ST8SIA5: variants seen among roughly 807,000 people sequenced by gnomAD.
The protein encoded by ST8SIA5 is ST8 alpha-N-acetyl-neuraminide alpha-2,8-sialyltransferase 5.
A neutral mutation model predicts 40.2 loss-of-function variants in ST8SIA5; 24 were observed. The ratio of observed to expected loss-of-function variants is 0.60; its 90% confidence interval spans 0.43 to 0.84. ST8SIA5 has a LOEUF of 0.84. ST8SIA5 is among the 40% of genes least tolerant of loss of function. ST8SIA5 has a pLI of 0.00. For synonymous variants in ST8SIA5, 198 were observed against 201.8 expected (o/e 0.98, Z 0.16); for missense variants, 465 against 498.5 (o/e 0.93, Z 0.64).
At chr18:46,699,717 C>T (rs539032616) in intron 2 of ST8SIA5, among the ~76,000 whole-genome samples, 4 of 152,282 alleles carry the variant, frequency 2.6e-5, no homozygotes, top group East Asian at 1.9e-4. Context: ...TGTTTGCACC[C>T]GGGTCTCACC....
chr18:46,692,381 G>T, intron 2 of ST8SIA5, 126 bp from the exon 3 acceptor site: 1 of 748,256 alleles, frequency 1.3e-6, no homozygotes, highest in South Asian at 1.6e-5. Context: ...CCTTGGCATT[G>T]ACCATGTTTT....
chr18:46,721,686 T>A (rs2039865152), intron 1 of ST8SIA5, among the ~76,000 whole-genome samples: 1 of 152,142 alleles, frequency 6.6e-6, no homozygotes, highest in South Asian at 2.1e-4. Flanking sequence ...CCTCATTCCA[T>A]CTGTACCAGC....
intron 1 of ST8SIA5, chr18:46,730,162 C>A: frequency 1.0e-6 from 1 of 985,230 alleles, no homozygotes; most frequent in Non-Finnish European, 1.2e-6. Context: ...CAGAAGTGGC[C>A]ACTTTCTTCA....
chr18:46,718,335 A>AG (rs1362124558), intron 1 of ST8SIA5, among the ~76,000 whole-genome samples: 2 of 151,650 alleles, frequency 1.3e-5, no homozygotes, highest in East Asian at 3.8e-4. Flanking sequence ...GTCTCAAAAA[A>AG]AAAAAAAAAA....
intron 2 of ST8SIA5, among the ~76,000 whole-genome samples, chr18:46,693,278 C>T (rs1175919791): frequency 1.8e-4 from 28 of 152,168 alleles, no homozygotes; most frequent in Non-Finnish European, 7.3e-5. Flanking sequence ...AGTCAGACCC[C>T]AGTGGAACAC....
At chr18:46,747,016 T>C (rs1448114963) in intron 1 of ST8SIA5, among the ~76,000 whole-genome samples, 3 of 152,210 alleles carry the variant, frequency 2.0e-5, no homozygotes, top group South Asian at 4.1e-4. Flanking sequence ...TGGCTAGCCA[T>C]ATGTAGAAAA....
rs140313283 is a variant in ST8SIA5, at chr18:46,736,893, A to G, written c.131+19485T>C. Among the ~76,000 whole-genome samples the G allele has an allele frequency of 2.3e-3, 348 of 151,586 alleles. 2 individuals carry two copies. The highest frequency in any genetic ancestry group is 7.8e-3 in the African/African-American group (323 of 41,252). ...ATCCTGGCTTACCTGCCTTATTTCC[A>G]TTCCCTCCACCCACACAGTCCAGGG... On this transcript the variant is annotated intron_variant, in intron 1 of 6. Transcript: ENST00000315087.
chr18:46,673,516 C>T lies in ST8SIA5; in HGVS notation c.*6526G>A, dbSNP rs778020507. ...TTGTATGCTCAGGGAACAGATAGGG[C>T]CTCACACATGCTGATTCCCAGGCGC... On this transcript the variant is annotated 3_prime_UTR_variant, in exon 7 of 7. Coordinates refer to ENST00000315087, the MANE Select transcript of ST8SIA5 (RefSeq NM_013305.6). The T allele has an allele frequency of 2.0e-5, 3 of 152,180 alleles. No homozygotes were observed. Among genetic ancestry groups the T allele is most frequent in the Middle Eastern group, 3.4e-3 (1 of 294 alleles). The allele number at this position is 152,180 out of a possible 1,614,324, so 9.4% of individuals were successfully genotyped here.
chr18:46,723,500 C>G (rs540591218), intron 1 of ST8SIA5, among the ~76,000 whole-genome samples: 35 of 148,938 alleles, frequency 2.3e-4, no homozygotes, highest in Non-Finnish European at 5.1e-4. Context: ...TGAAGTAAGC[C>G]GAGATCACAC....
At chr18:46,697,838 A>T (rs2039571563) in intron 2 of ST8SIA5, among the ~76,000 whole-genome samples, 1 of 152,216 alleles carries the variant, frequency 6.6e-6, no homozygotes, top group Non-Finnish European at 1.5e-5. Context: ...AAGAGTCTGG[A>T]CACAAACTCC....
chr18:46,745,846 C>T (rs1286739510), intron 1 of ST8SIA5, among the ~76,000 whole-genome samples: 4 of 152,202 alleles, frequency 2.6e-5, no homozygotes, highest in Admixed American at 6.5e-5. Context: ...AATCCAGCAG[C>T]ACATCAAAAA....
intron 5 of ST8SIA5, among the ~76,000 whole-genome samples, chr18:46,684,467 AC>A (rs1289330364): frequency 6.6e-6 from 1 of 152,106 alleles, no homozygotes; most frequent in Non-Finnish European, 1.5e-5. Context: ...CCTCATACTG[AC>A]CCCAAGGGGT....
chr18:46,713,074 C>A (rs1304183474), intron 1 of ST8SIA5, among the ~76,000 whole-genome samples: 2 of 152,250 alleles, frequency 1.3e-5, no homozygotes, highest in South Asian at 4.2e-4. Context: ...GGCCTGTGGG[C>A]CACCCAGTAT....
At chr18:46,716,686 G>T (rs1445249863) in intron 1 of ST8SIA5, among the ~76,000 whole-genome samples, 1 of 152,240 alleles carries the variant, frequency 6.6e-6, no homozygotes, top group South Asian at 2.1e-4. Context: ...CGCACAGGTG[G>T]TCTAGCCCAG....
chr18:46,748,992 AG>A (rs2040170078), intron 1 of ST8SIA5, among the ~76,000 whole-genome samples: 1 of 152,258 alleles, frequency 6.6e-6, no homozygotes, highest in African/African-American at 2.4e-5. Context: ...AACAGAATGC[AG>A]TCTATCCATA....
rs371610377 is a variant in ST8SIA5, at chr18:46,681,991, G to T, written c.643C>A (p.Pro215Thr). Reference protein sequence around the residue: ...GVKTDVVTVNPSIITERFHKL... With the variant: ...GVKTDVVTVNTSIITERFHKL... ...ACTGACCTCTCTGTGATGATGCTGG[G>T]GTTCACAGTGACCACATCCGTCTTC... is the stretch of plus-strand genomic sequence containing the variant. Residue 215 changes from proline (P) to threonine (T), a missense_variant, in exon 6 of 7, where the codon CCC becomes ACC. By Grantham distance (38) the Pro-to-Thr change is conservative (BLOSUM62 -1). Coordinates refer to ENST00000315087, the MANE Select transcript of ST8SIA5 (RefSeq NM_013305.6). The T allele has an allele frequency of 1.2e-6, 2 of 1,614,042 alleles. No individual in the cohort carries two copies. The highest frequency in any genetic ancestry group is 1.7e-6 in the Non-Finnish European group (2 of 1,179,988).
chr18:46,702,580 T>C lies in ST8SIA5; in HGVS notation c.224+1992A>G, dbSNP rs538208649. Among the ~76,000 whole-genome samples, 53 of 152,340 alleles carry C rather than the reference T, an allele frequency of 3.5e-4. No individual in the cohort carries two copies. In the South Asian group the frequency reaches 0.011, roughly 30 times the overall value. On this transcript the variant is annotated intron_variant, in intron 2 of 6. Transcript: ENST00000315087. Reference sequence around the variant, plus strand: ...GGACACAGCCAGCTCCCTCCTGGCATAGGGCCTTTGTACAGACTGTTCCCT... The same window carrying C: ...GGACACAGCCAGCTCCCTCCTGGCACAGGGCCTTTGTACAGACTGTTCCCT...
chr18:46,756,569 T>G lies in ST8SIA5; in HGVS notation c.-61A>C, dbSNP rs2040250802. ...GCGGCCAGGCAATGACTCGCGGGGT[T>G]CCGGGGCCCCGGGGGGCGCGCGGCC... On this transcript the variant is annotated 5_prime_UTR_variant, in exon 1 of 7. Coordinates refer to ENST00000315087, the MANE Select transcript of ST8SIA5 (RefSeq NM_013305.6). 1 of 1,571,212 alleles carries G rather than the reference T, an allele frequency of 6.4e-7. No homozygotes were observed. The highest frequency in any genetic ancestry group is 1.4e-5 in the African/African-American group (1 of 72,096).
At chr18:46,742,391 C>T (rs1268873532) in intron 1 of ST8SIA5, among the ~76,000 whole-genome samples, 2 of 150,690 alleles carry the variant, frequency 1.3e-5, no homozygotes, top group Non-Finnish European at 2.9e-5. Context: ...GGCAATGGTT[C>T]CTTAGATATG....
Sources: allele counts gnomAD v4.1 joint callset (sites outside exome capture counted in the v4.1 genomes callset), GRCh38; gene constraint gnomAD v4.1.1; transcripts MANE v1.5; gene names NCBI Gene and HGNC (gene_info 2026-07-23, HGNC 2026-07-21).